AMPD2: variants seen among roughly 807,000 people sequenced by gnomAD.
AMPD2 encodes the protein AMP deaminase 2.
AMPD2 carries 52 observed loss-of-function variants against 91.3 expected under a neutral mutation model. That is an observed-to-expected ratio of 0.57 (90% CI 0.46 to 0.72). The LOEUF is 0.72. Among genes scored for constraint, AMPD2 ranks in the 30% least tolerant of loss-of-function variants. The probability of loss-of-function intolerance (pLI) is 0.00; values close to 1 mark genes in which losing one functional copy is unlikely to be tolerated. For synonymous variants in AMPD2, 455 were observed against 456.4 expected (o/e 1.00, Z 0.04); for missense variants, 822 against 1,122.3 (o/e 0.73, Z 3.82).
chr1:109,622,177 C>T (rs1282099453), intron 2 of AMPD2: 6 of 452,922 alleles, frequency 1.3e-5, no homozygotes, highest in African/African-American at 4.0e-5. Context: ...TTTTTTGTTT[C>T]ATTGAAGATG....
At chr1:109,620,722 C>T (rs1225592994) in intron 1 of AMPD2, 192 bp from the exon 2 acceptor site, 34 of 1,227,818 alleles carry the variant, frequency 2.8e-5, no homozygotes, top group Admixed American at 4.0e-5. Context: ...TGGACTCGCT[C>T]GCTGCTGAAT....
rs547387224 is a variant in AMPD2, at chr1:109,621,063, T to C, written c.-113T>C. 2 of 1,609,144 alleles carry C rather than the reference T, an allele frequency of 1.2e-6. No individual in the cohort carries two copies. Among genetic ancestry groups the C allele is most frequent in the Non-Finnish European group, 1.7e-6 (2 of 1,178,256 alleles). On this transcript the variant is annotated 5_prime_UTR_variant, in exon 2 of 19. Coordinates refer to ENST00000528667, the MANE Select transcript of AMPD2 (RefSeq NM_001368809.2). ...TTCCGCCTGCGGAGCCGCTGCTTCCTGCATCAGTCACTCCCGCTGGGGGCG... is the reference window on the plus strand; with the variant it reads ...TTCCGCCTGCGGAGCCGCTGCTTCCCGCATCAGTCACTCCCGCTGGGGGCG...
At position 109,628,955 on chromosome 1, in the gene AMPD2, C is replaced by T. The variant is rs1650960743; in HGVS notation, c.1571+149C>T. On this transcript the variant is annotated intron_variant, in intron 13 of 18. Coordinates refer to ENST00000528667, the MANE Select transcript of AMPD2 (RefSeq NM_001368809.2). The surrounding 1 kb of genome is among the most constrained non-coding windows in gnomAD (Gnocchi z 7.1). ...AGGGCTTCCTGGTCCCATCCATGGT[C>T]TGTCCAGCCTGGCCCACCTGGGTAT... The T allele has an allele frequency of 7.0e-7, 1 of 1,425,696 alleles. No homozygotes were observed. Among genetic ancestry groups the T allele is most frequent in the Non-Finnish European group, 9.4e-7 (1 of 1,068,150 alleles). The allele number at this position is 1,425,696 out of a possible 1,614,324, so 88.3% of individuals were successfully genotyped here. A position where few individuals can be genotyped will look rare whatever the true frequency, so the allele number is the denominator to read the frequency against.
chr1:109,626,489 C>A, intron 6 of AMPD2, 62 bp downstream of exon 6: 1 of 1,478,206 alleles, frequency 6.8e-7, no homozygotes, highest in Non-Finnish European at 9.1e-7. Context: ...GTTCCCCCAG[C>A]CTGGAGAGCT....
chr1:109,625,861 G>C lies in AMPD2; in HGVS notation c.353+69G>C. ...CAGACCCTTTCAGAGCCCCTTTTCT[G>C]CCTCTTTCCCTCGCACCCTGCCTTG... On this transcript the variant is annotated intron_variant, in intron 4 of 18. Coordinates refer to ENST00000528667, the MANE Select transcript of AMPD2 (RefSeq NM_001368809.2). The surrounding 1 kb of genome is among the most constrained non-coding windows in gnomAD (Gnocchi z 4.0). 1.3e-6 allele frequency: 2 copies of C among 1,595,680 alleles called. No homozygotes were observed. The highest frequency in any genetic ancestry group is 2.7e-5 in the African/African-American group (2 of 74,676).
rs6669802 is a variant in AMPD2, at chr1:109,620,454, A to G, written c.-263+176A>G. On this transcript the variant is annotated intron_variant, in intron 1 of 18. Transcript: ENST00000528667. ...GTGTGCAGAGACAGAGGAAAAATCC[A>G]AAGAGGCTAGGGTCTCTGTCCCAGA... is the stretch of plus-strand genomic sequence containing the variant. 0.53 allele frequency: 426,488 copies of G among 805,526 alleles called. 115,199 individuals are homozygous for G. Among genetic ancestry groups the G allele is most frequent in the East Asian group, 0.95 (7,508 of 7,872 alleles). The allele number at this position is 805,526 out of a possible 1,614,324, so 49.9% of individuals were successfully genotyped here. A position where few individuals can be genotyped will look rare whatever the true frequency, so the allele number is the denominator to read the frequency against.
In AMPD2 at chr1:109,631,056, C is replaced by T; in HGVS notation, c.2382C>T (p.Cys794=). The T allele has an allele frequency of 6.2e-7, 1 of 1,614,088 alleles. No individual in the cohort carries two copies. Among genetic ancestry groups the T allele is most frequent in the South Asian group, 1.1e-5 (1 of 91,046 alleles). The change falls in exon 19 of 19, where the codon TGC becomes TGT. Residue 794 remains cysteine, a synonymous_variant. Transcript: ENST00000528667. ...TGGGCTACCGCTACGAGACCCTGTG[C>T]CAGGAGCTGGCGCTCATCACGCAGG... ...IRVGYRYETL[C]QELALITQAV...
rs181839364 is a variant in AMPD2, at chr1:109,630,472, G to T, written c.2157+66G>T. The T allele has an allele frequency of 2.7e-5, 35 of 1,302,834 alleles. No homozygotes were observed. In the Admixed American group the frequency reaches 4.9e-4, roughly 18 times the overall value. The allele number at this position is 1,302,834 out of a possible 1,614,324, so 80.7% of individuals were successfully genotyped here. A position where few individuals can be genotyped will look rare whatever the true frequency, so the allele number is the denominator to read the frequency against. On this transcript the variant is annotated intron_variant, in intron 17 of 18. Transcript: ENST00000528667. ...GACGCTGGGGTCTCCCGGGTTGGGT[G>T]GGGGGCGGTGGGGGGGGCGGTCTCT...
chr1:109,620,599 C>G (rs1035504454), intron 1 of AMPD2: 2 of 1,230,874 alleles, frequency 1.6e-6, no homozygotes, highest in Non-Finnish European at 1.0e-6. Context: ...GTTCTTCCCC[C>G]TCCTCCCAGA....
In AMPD2 at chr1:109,631,222, C is replaced by CAGAGACCACACAGCA; in HGVS notation, c.*70_*71insAGAGACCACACAGCA. ...GTTTTGTCCTCAGACCCCGCCCATG[C>CAGAGACCACACAGCA]TGTGTGGTCTCTGCATGTCTCCATT... On this transcript the variant is annotated 3_prime_UTR_variant, in exon 19 of 19. Coordinates refer to ENST00000528667, the MANE Select transcript of AMPD2 (RefSeq NM_001368809.2). The CAGAGACCACACAGCA allele has an allele frequency of 7.2e-7, 1 of 1,398,470 alleles. No individual in the cohort carries two copies. The highest frequency in any genetic ancestry group is 9.9e-7 in the Non-Finnish European group (1 of 1,009,424). The allele number at this position is 1,398,470 out of a possible 1,614,324, so 86.6% of individuals were successfully genotyped here.
At position 109,628,509 on chromosome 1, in the gene AMPD2, C is replaced by T. The variant is rs1343823686; in HGVS notation, c.1407+14C>T. On this transcript the variant is annotated intron_variant, in intron 12 of 18. Transcript: ENST00000528667. This position sits in a 1 kb window ranked among gnomAD's most constrained non-coding sequence, Gnocchi z 7.1. ...CACATCATCAAGGTAAGGAGGCAGC[C>T]TTCCCTGCCAAGCCTCGAGCCTGAG... The T allele has an allele frequency of 6.2e-7, 1 of 1,612,172 alleles. No homozygotes were observed. Among genetic ancestry groups the T allele is most frequent in the Admixed American group, 1.7e-5 (1 of 60,012 alleles).
intron 1 of AMPD2, 32 bp from the exon 2 acceptor site, chr1:109,620,882 T>C: frequency 6.9e-7 from 1 of 1,441,818 alleles, no homozygotes; most frequent in Non-Finnish European, 9.1e-7. Context: ...CCCATCTTCT[T>C]TTCTACCCAC....
chr1:109,630,653 C>T (rs765153766), intron 17 of AMPD2, 30 bp from the exon 18 acceptor site: 1 of 1,588,850 alleles, frequency 6.3e-7, no homozygotes, highest in Admixed American at 1.7e-5. Flanking sequence ...GGCCAGGGCG[C>T]ACTCGTCTGA....
At chr1:109,627,982 C>T in intron 10 of AMPD2, 79 bp downstream of exon 10, 1 of 1,605,124 alleles carries the variant, frequency 6.2e-7, no homozygotes, top group Non-Finnish European at 8.5e-7. Context: ...GCCAGGCCCC[C>T]CACACAGCAT....
At position 109,624,400 on chromosome 1, in the gene AMPD2, C is replaced by A. The variant is rs1285989977; in HGVS notation, c.92-903C>A. On this transcript the variant is annotated intron_variant, in intron 2 of 18. Transcript: ENST00000528667. This position sits in a 1 kb window ranked among gnomAD's most constrained non-coding sequence, Gnocchi z 5.2. Reference sequence around the variant, plus strand: ...GGGGTAGGCTGGAAGCCTTGGCAGCCCCCATAGACCAGCAGCTTCACGGCC... The same window carrying A: ...GGGGTAGGCTGGAAGCCTTGGCAGCACCCATAGACCAGCAGCTTCACGGCC... Among the ~76,000 whole-genome samples the A allele has an allele frequency of 6.6e-6, 1 of 152,168 alleles. No individual in the cohort carries two copies. Among genetic ancestry groups the A allele is most frequent in the East Asian group, 1.9e-4 (1 of 5,178 alleles).
chr1:109,620,097 C>T lies in AMPD2; in HGVS notation c.-444C>T, dbSNP rs2101138509. 1 of 903,938 alleles carries T rather than the reference C, an allele frequency of 1.1e-6. No individual in the cohort carries two copies. The highest frequency in any genetic ancestry group is 2.7e-5 in the East Asian group (1 of 37,258). 56.0% of individuals were successfully genotyped at this position (903,938 alleles called of 1,614,324 possible). On this transcript the variant is annotated 5_prime_UTR_variant, in exon 1 of 19. Transcript: ENST00000528667. ...AGGTCTGCGGGAGTCCACCTCCGGC[C>T]AGCTGGCAATTTTGAAAGACTGCCT... is the stretch of plus-strand genomic sequence containing the variant.
rs564637667 is a variant in AMPD2 at position 109,629,085 on chromosome 1, A to G, written c.1572-24A>G. 5 of 1,612,008 alleles carry G rather than the reference A, an allele frequency of 3.1e-6. No individual in the cohort carries two copies. In the East Asian group the frequency reaches 8.9e-5, roughly 29 times the overall value. On this transcript the variant is annotated intron_variant, in intron 13 of 18. Transcript: ENST00000528667. ...CTCCCACTGGCCCTGACTTGCACAT[A>G]CCTGCATGTTGTCTCACCTGCAGTG...
At chr1:109,622,224 C>T (rs774385218) in intron 2 of AMPD2, 1 of 456,298 alleles carries the variant, frequency 2.2e-6, no homozygotes, top group South Asian at 1.5e-5. Flanking sequence ...AGGGTGTTCT[C>T]TGTGCCCAGG....
rs570541266 is a variant in AMPD2 at position 109,621,124 on chromosome 1, C to G, written c.-52C>G. ...AGGGGTTGGATGTGGCAGAGCCAGG[C>G]CCCAGCCGGTGCCGCTCAGACTCCC... On this transcript the variant is annotated 5_prime_UTR_variant, in exon 2 of 19. Coordinates refer to ENST00000528667, the MANE Select transcript of AMPD2 (RefSeq NM_001368809.2). The G allele has an allele frequency of 3.2e-4, 514 of 1,599,162 alleles. 8 individuals carry two copies. The South Asian group carries it at 5.0e-3, about 15-fold the overall frequency.
Sources: gnomAD v4.1 joint callset for allele counts (sites outside exome capture counted in the v4.1 genomes callset) on GRCh38, gnomAD v4.1.1 for gene constraint, Gnocchi (gnomAD v3.1) non-coding constraint, MANE v1.5 for transcripts, NCBI Gene and HGNC (gene_info 2026-07-23, HGNC 2026-07-21) for gene names.